The following ZNF385D variants were observed in gnomAD, a reference collection of about 807,000 sequenced individuals.
The protein encoded by ZNF385D is zinc finger protein 659.
ZNF385D carries 15 observed loss-of-function variants against 35.8 expected under a neutral mutation model. The ratio of observed to expected loss-of-function variants is 0.42; its 90% confidence interval spans 0.28 to 0.64. The LOEUF (loss-of-function observed/expected upper bound fraction) is 0.64, where lower values mean the gene tolerates loss of function less well. Among genes scored for constraint, ZNF385D ranks in the 30% least tolerant of loss-of-function variants. ZNF385D has a pLI of 0.23. For synonymous variants in ZNF385D, 212 were observed against 186.8 expected (o/e 1.13, Z -1.10); for missense variants, 474 against 494.6 (o/e 0.96, Z 0.39).
chr3:21,678,987 C>G (rs1238015355), intron 1 of ZNF385D, among the ~76,000 whole-genome samples: 2 of 152,134 alleles, frequency 1.3e-5, no homozygotes, highest in Admixed American at 6.6e-5. Flanking sequence ...CAAGGTTCAG[C>G]TGAAAGGCCC....
chr3:22,089,876 G>T (rs1030281434), intron 3 of ZNF385D, among the ~76,000 whole-genome samples: 6 of 151,974 alleles, frequency 3.9e-5, no homozygotes, highest in Non-Finnish European at 8.8e-5. Flanking sequence ...TTGCTCTGTG[G>T]TCAGGCTGGA....
At chr3:22,236,869 T>G (rs576898064) in intron 2 of ZNF385D, among the ~76,000 whole-genome samples, 1 of 152,336 alleles carries the variant, frequency 6.6e-6, no homozygotes, top group African/African-American at 2.4e-5. Flanking sequence ...GTATTTCAAT[T>G]TGATTTATGG....
At chr3:22,201,413 G>T (rs1696790457) in intron 2 of ZNF385D, among the ~76,000 whole-genome samples, 1 of 152,038 alleles carries the variant, frequency 6.6e-6, no homozygotes, top group South Asian at 2.1e-4. Flanking sequence ...TAGCTATCCT[G>T]ATTTAAATAT....
chr3:22,352,546 G>A (rs1297198076), intron 2 of ZNF385D, among the ~76,000 whole-genome samples: 1 of 152,118 alleles, frequency 6.6e-6, no homozygotes, highest in African/African-American at 2.4e-5. Flanking sequence ...TTTGATTCTT[G>A]TAATATAATC....
rs551298051 is a variant in ZNF385D, at chr3:21,444,629, C to T, written c.440-7426G>A. On this transcript the variant is annotated intron_variant, in intron 4 of 7. Coordinates refer to ENST00000281523, the MANE Select transcript of ZNF385D (RefSeq NM_024697.3). ...CTTGAATGCTTGACCTCAAATGACCCTCCCACCTCGGCCTCCCAAAGTGCT... is the reference window on the plus strand; with the variant it reads ...CTTGAATGCTTGACCTCAAATGACCTTCCCACCTCGGCCTCCCAAAGTGCT... Among the ~76,000 whole-genome samples, 6 of 152,008 alleles carry T rather than the reference C, an allele frequency of 3.9e-5. No homozygotes were observed. The East Asian group carries it at 1.2e-3, about 30-fold the overall frequency.
intron 4 of ZNF385D, among the ~76,000 whole-genome samples, chr3:21,446,150 A>T (rs1410355076): frequency 1.5e-4 from 23 of 152,212 alleles, no homozygotes; most frequent in Admixed American, 1.5e-3. Context: ...ACAAGTTCCC[A>T]GGTATTGCTG....
intron 3 of ZNF385D, among the ~76,000 whole-genome samples, chr3:22,034,651 T>C (rs916744705): frequency 2.6e-5 from 4 of 152,192 alleles, no homozygotes; most frequent in African/African-American, 4.8e-5. Context: ...AACCTCATAA[T>C]TGGTATAATA....
At chr3:21,925,035 T>C (rs1291854655) in intron 3 of ZNF385D, among the ~76,000 whole-genome samples, 1 of 152,204 alleles carries the variant, frequency 6.6e-6, no homozygotes. Context: ...GTACATACCA[T>C]GTTCATGGTT....
chr3:22,317,319 G>GA (rs1276650322), intron 2 of ZNF385D, among the ~76,000 whole-genome samples: 7 of 83,612 alleles, frequency 8.4e-5, no homozygotes, highest in Non-Finnish European at 1.6e-4. Context: ...AAAAATAAAA[G>GA]AAAAAAAAAG....
At chr3:21,979,943 C>T (rs1351533785) in intron 3 of ZNF385D, 1 of 152,180 alleles carries the variant, frequency 6.6e-6, no homozygotes, top group Non-Finnish European at 1.5e-5. Context: ...TCTGCCTCTT[C>T]TTACTTATGG....
At chr3:21,485,498 A>G (rs1173292507) in intron 4 of ZNF385D, among the ~76,000 whole-genome samples, 1 of 151,826 alleles carries the variant, frequency 6.6e-6, no homozygotes, top group Non-Finnish European at 1.5e-5. Context: ...ATGCCTTGGC[A>G]CTCTTTTCTG....
intron 3 of ZNF385D, among the ~76,000 whole-genome samples, chr3:22,122,908 A>C (rs1703172437): frequency 6.6e-6 from 1 of 152,232 alleles, no homozygotes; most frequent in African/African-American, 2.4e-5. Context: ...TGAACGCCAT[A>C]AGTGACTGGA....
chr3:21,852,181 CTCTGT>C (rs1334271776), intron 3 of ZNF385D, among the ~76,000 whole-genome samples: 1 of 151,840 alleles, frequency 6.6e-6, no homozygotes, highest in African/African-American at 2.4e-5. Context: ...TTAAAAATTG[CTCTGT>C]TTTTCAATGT....
intron 3 of ZNF385D, among the ~76,000 whole-genome samples, chr3:22,024,769 A>G (rs1236186065): frequency 6.6e-6 from 1 of 152,132 alleles, no homozygotes; most frequent in Non-Finnish European, 1.5e-5. Flanking sequence ...GTGGAGAACC[A>G]AGGAACGTAA....
At chr3:22,039,650 G>C (rs1029981486) in intron 3 of ZNF385D, among the ~76,000 whole-genome samples, 1 of 152,052 alleles carries the variant, frequency 6.6e-6, no homozygotes, top group African/African-American at 2.4e-5. Context: ...ATATAAAAAA[G>C]GAGAAACCGT....
intron 3 of ZNF385D, among the ~76,000 whole-genome samples, chr3:21,771,934 G>T (rs1048005737): frequency 6.6e-6 from 1 of 151,858 alleles, no homozygotes; most frequent in Non-Finnish European, 1.5e-5. Flanking sequence ...TCATACAGAT[G>T]GTCAAATTAC....
chr3:21,954,617 A>G (rs1472892071), intron 3 of ZNF385D, among the ~76,000 whole-genome samples: 2 of 152,120 alleles, frequency 1.3e-5, no homozygotes, highest in Non-Finnish European at 2.9e-5. Flanking sequence ...TATCCTTAAT[A>G]GTTATATCCT....
intron 3 of ZNF385D, among the ~76,000 whole-genome samples, chr3:22,071,925 G>A (rs2125564010): frequency 6.6e-6 from 1 of 152,120 alleles, no homozygotes; most frequent in Non-Finnish European, 1.5e-5. Context: ...TAATACAATG[G>A]TCTTGCAAGG....
At chr3:21,896,013 T>C (rs986685163) in intron 3 of ZNF385D, among the ~76,000 whole-genome samples, 1 of 152,140 alleles carries the variant, frequency 6.6e-6, no homozygotes, top group African/African-American at 2.4e-5. Flanking sequence ...ATTAGAGAAA[T>C]AGTTACTTGG....
Sources: allele counts gnomAD v4.1 joint callset (sites outside exome capture counted in the v4.1 genomes callset), GRCh38; gene constraint gnomAD v4.1.1; transcripts MANE v1.5; gene names NCBI Gene and HGNC (gene_info 2026-07-23, HGNC 2026-07-21).